The following UTRN variants were observed in gnomAD, a reference collection of about 807,000 sequenced individuals.
UTRN encodes the protein utrophin.
UTRN carries 283 observed loss-of-function variants against 463.9 expected under a neutral mutation model. The ratio of observed to expected loss-of-function variants is 0.61; its 90% confidence interval spans 0.55 to 0.67. The LOEUF is 0.67. UTRN is among the 30% of genes least tolerant of loss of function. UTRN has a pLI of 0.00. For synonymous variants in UTRN, 1,442 were observed against 1,431.5 expected, an observed-to-expected ratio of 1.01 and a Z score of -0.17; for missense variants, 3,922 against 4,084.3, an observed-to-expected ratio of 0.96 and a Z score of 1.08.
intron 2 of UTRN, among the ~76,000 whole-genome samples, chr6:144,365,317 A>G (rs1779416976): frequency 6.6e-6 from 1 of 152,166 alleles, no homozygotes; most frequent in Non-Finnish European, 1.5e-5. Flanking sequence ...GTTATGATGC[A>G]TATGTTTGTC....
intron 3 of UTRN, among the ~76,000 whole-genome samples, chr6:144,421,544 C>T (rs965281063): frequency 2.0e-5 from 3 of 151,750 alleles, no homozygotes; most frequent in Non-Finnish European, 2.9e-5. Flanking sequence ...AAAAAATTAG[C>T]TGGGCGTGGT....
At chr6:144,699,349 A>G (rs1459870381) in intron 52 of UTRN, among the ~76,000 whole-genome samples, 2 of 151,930 alleles carry the variant, frequency 1.3e-5, no homozygotes, top group Non-Finnish European at 2.9e-5. Context: ...CTGAGGCAGC[A>G]GAATAGTTTG....
At chr6:144,439,417 A>C (rs985472530) in intron 12 of UTRN, among the ~76,000 whole-genome samples, 1 of 152,244 alleles carries the variant, frequency 6.6e-6, no homozygotes, top group African/African-American at 2.4e-5. Flanking sequence ...TAATATGTAA[A>C]ACTTTAGGAA....
At chr6:144,798,099 A>G in intron 64 of UTRN, 109 bp downstream of exon 64, 1 of 1,467,204 alleles carries the variant, frequency 6.8e-7, no homozygotes, top group Non-Finnish European at 9.3e-7. Context: ...TTTGCTTTCT[A>G]AATAAATGGT....
Position 144,474,723 on chromosome 6 carries a change from T to A in UTRN, c.3300T>A (p.Gly1100=). 9 of 1,613,816 alleles carry A rather than the reference T, an allele frequency of 5.6e-6. No homozygotes were observed. The highest frequency in any genetic ancestry group is 7.6e-6 in the Non-Finnish European group (9 of 1,179,928). ...GIKTWVQTRL[G]DYQTQLEKLS... ...AAACTTGGGTGCAGACAAGACTAGGTGACTACCAAACTCAACTGGAGAAAC... is the reference window on the plus strand; with the variant it reads ...AAACTTGGGTGCAGACAAGACTAGGAGACTACCAAACTCAACTGGAGAAAC... The change falls in exon 25 of 75, where the codon GGT becomes GGA. Residue 1100 remains glycine, a synonymous_variant. Transcript: ENST00000367545.
At chr6:144,488,082 A>AT (rs1349962195) in intron 29 of UTRN, among the ~76,000 whole-genome samples, 1 of 152,226 alleles carries the variant, frequency 6.6e-6, no homozygotes, top group Non-Finnish European at 1.5e-5. Flanking sequence ...TGTAACATAC[A>AT]TATTCGTATC....
intron 32 of UTRN, among the ~76,000 whole-genome samples, chr6:144,491,889 A>C (rs912908868): frequency 2.6e-5 from 4 of 152,210 alleles, no homozygotes; most frequent in Non-Finnish European, 5.9e-5. Context: ...TGTTGAGATG[A>C]TGATGTATAG....
intron 2 of UTRN, among the ~76,000 whole-genome samples, chr6:144,336,319 G>A (rs1195007944): frequency 2.0e-5 from 3 of 152,148 alleles, no homozygotes; most frequent in Non-Finnish European, 2.9e-5. Context: ...AACCTTCAGG[G>A]CTTGGGGACG....
At chr6:144,528,242 G>T (rs1796737665) in intron 41 of UTRN, among the ~76,000 whole-genome samples, 2 of 152,190 alleles carry the variant, frequency 1.3e-5, no homozygotes, top group South Asian at 2.1e-4. Context: ...CCCCATGTTG[G>T]CCAGGCTGGT....
chr6:144,615,209 A>ATG (rs1262679408), intron 51 of UTRN, among the ~76,000 whole-genome samples: 1 of 152,116 alleles, frequency 6.6e-6, no homozygotes, highest in African/African-American at 2.4e-5. Flanking sequence ...AGTATTATAT[A>ATG]TTATAATATT....
chr6:144,797,031 G>A (rs1777281275), intron 63 of UTRN, among the ~76,000 whole-genome samples: 2 of 152,084 alleles, frequency 1.3e-5, no homozygotes, highest in Admixed American at 6.5e-5. Context: ...GATAAATTCT[G>A]CAAAGTACAT....
chr6:144,400,079 A>G (rs915808108), intron 2 of UTRN, among the ~76,000 whole-genome samples: 2 of 152,196 alleles, frequency 1.3e-5, no homozygotes, highest in Non-Finnish European at 2.9e-5. Flanking sequence ...AAGGTCATTA[A>G]TGGATAAGAT....
At chr6:144,814,030 G>A (rs1778862027) in intron 65 of UTRN, among the ~76,000 whole-genome samples, 1 of 152,126 alleles carries the variant, frequency 6.6e-6, no homozygotes, top group African/African-American at 2.4e-5. Flanking sequence ...GCTGGTAGAG[G>A]GTATGGGGGA....
intron 50 of UTRN, among the ~76,000 whole-genome samples, chr6:144,562,906 T>C (rs908201900): frequency 6.6e-6 from 1 of 152,222 alleles, no homozygotes; most frequent in Non-Finnish European, 1.5e-5. Flanking sequence ...CTGACTAGCA[T>C]GAGATGGTAT....
intron 9 of UTRN, among the ~76,000 whole-genome samples, chr6:144,433,667 G>T (rs554907150): frequency 1.9e-4 from 29 of 152,148 alleles, no homozygotes; most frequent in Middle Eastern, 3.4e-3. Flanking sequence ...CCCAGACGGG[G>T]TCGCGGCCGG....
chr6:144,392,032 TG>T (rs1781985372), intron 2 of UTRN, among the ~76,000 whole-genome samples: 1 of 152,238 alleles, frequency 6.6e-6, no homozygotes, highest in South Asian at 2.1e-4. Flanking sequence ...GTTCCTGAAC[TG>T]TAGCTAGTCT....
At chr6:144,577,041 T>A in intron 50 of UTRN, 58 bp from the exon 51 acceptor site, 1 of 1,541,202 alleles carries the variant, frequency 6.5e-7, no homozygotes, top group Non-Finnish European at 8.9e-7. Flanking sequence ...GGATGCGTGA[T>A]GTGGAATGTC....
At chr6:144,761,517 T>C (rs1263677653) in intron 58 of UTRN, among the ~76,000 whole-genome samples, 2 of 151,952 alleles carry the variant, frequency 1.3e-5, no homozygotes, top group South Asian at 2.1e-4. Flanking sequence ...CATGGTAACA[T>C]GCGCCTATAG....
intron 2 of UTRN, among the ~76,000 whole-genome samples, chr6:144,313,356 A>G (rs1480783314): frequency 8.3e-6 from 1 of 120,014 alleles, no homozygotes; most frequent in Admixed American, 7.8e-5. Flanking sequence ...TCTGATACTG[A>G]AAAAAAAAAA....
Sources: allele counts gnomAD v4.1 joint callset (sites outside exome capture counted in the v4.1 genomes callset), GRCh38; gene constraint gnomAD v4.1.1; transcripts MANE v1.5; gene names NCBI Gene and HGNC (gene_info 2026-07-23, HGNC 2026-07-21).